Variants in APC2 observed in about 807,000 individuals in gnomAD.
The protein encoded by APC2 is APC regulator of Wnt signaling pathway 2.
A neutral mutation model predicts 72.5 loss-of-function variants in APC2; 41 were observed. The ratio of observed to expected loss-of-function variants is 0.57; its 90% CI spans 0.44 to 0.73. The LOEUF is 0.73. Among genes scored for constraint, APC2 ranks in the 30% least tolerant of loss-of-function variants. The pLI, the probability that APC2 is intolerant of heterozygous loss-of-function variation, is 0.00. For synonymous variants in APC2, 1,898 were observed against 1,612.0 expected (o/e 1.18, Z -4.25); for missense variants, 3,729 against 3,403.4 (o/e 1.10, Z -2.38).
chr19:1,454,617 G>A (rs1231313889), intron 4 of APC2, among the ~76,000 whole-genome samples: 1 of 146,246 alleles, frequency 6.8e-6, no homozygotes, highest in Non-Finnish European at 1.5e-5. Flanking sequence ...AAGCTGGAGT[G>A]CAGTGGCGCG....
rs759388006 is a variant in APC2, at chr19:1,460,228, C to T, written c.1351C>T (p.His451Tyr). 7 of 1,613,586 alleles carry T rather than the reference C, an allele frequency of 4.3e-6. No homozygotes were observed. In the South Asian group the frequency reaches 7.7e-5, roughly 18 times the overall value. The change falls in exon 11 of 15, where the codon CAC becomes TAC. Residue 451 changes from histidine (H) to tyrosine (Y), a missense_variant. Transcript: ENST00000590469. The part of the protein sequence containing the change: ...AELLQVDYEM[H>Y]KMTRDPLNLA... The stretch of plus-strand genomic sequence containing the variant: ...GCTGCTGCAGGTTGACTATGAGATG[C>T]ACAAGATGACCCGGGACCCGCTGAA...
intron 14 of APC2, 23 bp downstream of exon 14, chr19:1,462,200 G>A (rs764852880): frequency 2.1e-5 from 26 of 1,214,190 alleles, no homozygotes; most frequent in Middle Eastern, 3.2e-4. Flanking sequence ...CCCCCCACCC[G>A]CACACAGGCA....
chr19:1,459,201 C>T (rs977027057), intron 10 of APC2, among the ~76,000 whole-genome samples: 3 of 152,166 alleles, frequency 2.0e-5, no homozygotes, highest in Non-Finnish European at 4.4e-5. Flanking sequence ...CTGTTTGTTT[C>T]AGAGCCTCAT....
At chr19:1,460,384 T>C (rs2083903830) in intron 11 of APC2, 64 bp downstream of exon 11, 8 of 1,602,752 alleles carry the variant, frequency 5.0e-6, no homozygotes, top group African/African-American at 1.3e-5. Context: ...CTGAGCCTCC[T>C]TCCAACTCAT....
At chr19:1,459,587 ACTC>A (rs2083892100) in intron 10 of APC2, among the ~76,000 whole-genome samples, 1 of 152,044 alleles carries the variant, frequency 6.6e-6, no homozygotes, top group South Asian at 2.1e-4. Context: ...CCACTGACCC[ACTC>A]CTGCTCTGAG....
intron 14 of APC2, among the ~76,000 whole-genome samples, chr19:1,464,290 CAA>C (rs1348159992): frequency 1.3e-5 from 2 of 150,072 alleles, no homozygotes; most frequent in East Asian, 1.9e-4. Flanking sequence ...GCCTGGGTAA[CAA>C]GAGTGAAACT....
chr19:1,472,208 G>C lies in APC2; in HGVS notation c.*1995G>C, dbSNP rs1267659804. The C allele has an allele frequency of 2.0e-5, 3 of 152,322 alleles. No individual in the cohort carries two copies. Among genetic ancestry groups the C allele is most frequent in the Non-Finnish European group, 4.4e-5 (3 of 68,098 alleles). 9.4% of individuals were successfully genotyped at this position (152,322 alleles called of 1,614,324 possible). The stretch of plus-strand genomic sequence containing the variant: ...CCATGGCCCGAGGGGGAACCTGGTG[G>C]TCTCTTCTGAGCTTTTGGACTTGGG... On this transcript the variant is annotated 3_prime_UTR_variant, in exon 15 of 15. Coordinates refer to ENST00000590469, the MANE Select transcript of APC2 (RefSeq NM_005883.3).
In APC2 at chr19:1,468,205, C is replaced by G. The variant is rs1421737124; in HGVS notation, c.4904C>G (p.Ser1635Trp). The change falls in exon 15 of 15, where the codon TCG (serine) becomes TGG (tryptophan). Residue 1635 changes from serine to tryptophan, a missense_variant. Physicochemically the swap from Ser to Trp is radical, Grantham distance 177. Coordinates refer to ENST00000590469, the MANE Select transcript of APC2 (RefSeq NM_005883.3). ...AEELLQRCIS[S>W]ALPRRRPPVS... Reference sequence around the variant, plus strand: ...GAGCTTCTGCAGCGGTGCATCAGCTCGGCCCTGCCCAGGCGCCGGCCCCCC... The same window carrying G: ...GAGCTTCTGCAGCGGTGCATCAGCTGGGCCCTGCCCAGGCGCCGGCCCCCC... The G allele has an allele frequency of 2.7e-6, 4 of 1,464,538 alleles. No individual in the cohort carries two copies. Among genetic ancestry groups the G allele is most frequent in the Non-Finnish European group, 3.6e-6 (4 of 1,117,778 alleles). 90.7% of individuals were successfully genotyped at this position (1,464,538 alleles called of 1,614,324 possible). A position where few individuals can be genotyped will look rare whatever the true frequency, so the allele number is the denominator to read the frequency against.
Position 1,469,855 on chromosome 19 carries a change from A to G in APC2, c.6554A>G (p.Lys2185Arg). 6.6e-7 allele frequency: 1 copy of G among 1,520,526 alleles called. No individual in the cohort carries two copies. The highest frequency in any genetic ancestry group is 8.8e-7 in the Non-Finnish European group (1 of 1,141,172). The allele number at this position is 1,520,526 out of a possible 1,614,324, so 94.2% of individuals were successfully genotyped here. A position where few individuals can be genotyped will look rare whatever the true frequency, so the allele number is the denominator to read the frequency against. Residue 2185 changes from lysine (K) to arginine (R), a missense_variant, in exon 15 of 15, where the codon AAG (lysine) becomes AGG (arginine). Physicochemically the swap from Lys to Arg is conservative, Grantham distance 26 (BLOSUM62 2). Coordinates refer to ENST00000590469, the MANE Select transcript of APC2 (RefSeq NM_005883.3). ...EDAPAGPPPR[K>R]TSDAVVQTEE... ...GCCCCGGCCGGGCCCCCGCCGCGCA[A>G]GACCAGCGACGCCGTGGTCCAGACC...
chr19:1,450,269 C>T lies in APC2; in HGVS notation c.-88C>T, dbSNP rs1389618805. 2.0e-6 allele frequency: 2 copies of T among 985,306 alleles called. No homozygotes were observed. Among genetic ancestry groups the T allele is most frequent in the East Asian group, 1.1e-4 (1 of 8,816 alleles). 61.0% of individuals were successfully genotyped at this position (985,306 alleles called of 1,614,324 possible). On this transcript the variant is annotated 5_prime_UTR_variant, in exon 1 of 15. Coordinates refer to ENST00000590469, the MANE Select transcript of APC2 (RefSeq NM_005883.3). ...CCCCGGGCCGGGATTTCCGGTGGGG[C>T]CCGCGGAGCCGCGCAGAGGGAGGAG... is the stretch of plus-strand genomic sequence containing the variant.
At chr19:1,457,713 A>T (rs2083857509) in intron 9 of APC2, 8 of 565,326 alleles carry the variant, frequency 1.4e-5, no homozygotes, top group South Asian at 1.0e-4. Context: ...TTTTATTTTT[A>T]AAAAGGGCAG....
At chr19:1,456,013 A>AGGCGGGGTCAGAGCCGGG in intron 6 of APC2, 63 bp from the exon 7 acceptor site, 7 of 1,450,474 alleles carry the variant, frequency 4.8e-6, no homozygotes, top group Non-Finnish European at 6.4e-6. Flanking sequence ...TCCCAGGGAG[A>AGGCGGGGTCAGAGCCGGG]GGCGGGGTCA....
In APC2 at chr19:1,468,514, G is replaced by T; in HGVS notation, c.5213G>T (p.Gly1738Val). The T allele has an allele frequency of 1.2e-6, 2 of 1,603,482 alleles. No homozygotes were observed. Among genetic ancestry groups the T allele is most frequent in the African/African-American group, 1.3e-5 (1 of 74,886 alleles). Residue 1738 changes from glycine (G) to valine (V), a missense_variant, in exon 15 of 15, where the codon GGA (glycine) becomes GTA (valine). Coordinates refer to ENST00000590469, the MANE Select transcript of APC2 (RefSeq NM_005883.3). ...CTACAGCCCCCCAAGCACAGGAAGG[G>T]ACGACAGGCGGAGGGAGAAATGGGC... ...STLQPPKHRK[G>V]RQAEGEMGSA...
chr19:1,460,504 C>T (rs1265069381), intron 11 of APC2, among the ~76,000 whole-genome samples, 184 bp downstream of exon 11: 1 of 152,250 alleles, frequency 6.6e-6, no homozygotes, highest in African/African-American at 2.4e-5. Flanking sequence ...CGTGCTGAAC[C>T]TCCCCACCTG....
At chr19:1,461,709 G>A (rs1411854342) in intron 13 of APC2, 20 of 493,366 alleles carry the variant, frequency 4.1e-5, no homozygotes, top group South Asian at 6.2e-5. Context: ...AAAATTAGCC[G>A]GGCGTGGTGG....
chr19:1,466,257 G>C lies in APC2; in HGVS notation c.2956G>C (p.Ala986Pro), dbSNP rs765291333. 9.2e-6 allele frequency: 14 copies of C among 1,528,102 alleles called. No homozygotes were observed. The allele number at this position is 1,528,102 out of a possible 1,614,324, so 94.7% of individuals were successfully genotyped here. A position where few individuals can be genotyped will look rare whatever the true frequency, so the allele number is the denominator to read the frequency against. Reference sequence around the variant, plus strand: ...GCCCCCGGCCCGCGAGGCCACCTCCGCCGACGCCCGCGTGCGCACCATCAA... The same window carrying C: ...GCCCCCGGCCCGCGAGGCCACCTCCCCCGACGCCCGCGTGCGCACCATCAA... ...AEPPAREATS[A>P]DARVRTIKLS... is the part of the protein sequence containing the mutation. The change falls in exon 15 of 15, where the codon GCC (alanine) becomes CCC (proline). Residue 986 changes from alanine (A) to proline (P), a missense_variant. Physicochemically the swap from Ala to Pro is conservative, Grantham distance 27. Coordinates refer to ENST00000590469, the MANE Select transcript of APC2 (RefSeq NM_005883.3).
chr19:1,456,722 C>T (rs1000528721), intron 8 of APC2, 131 bp from the exon 9 acceptor site: 3 of 1,191,914 alleles, frequency 2.5e-6, no homozygotes, highest in Non-Finnish European at 3.4e-6. Flanking sequence ...TCCTAGCGTC[C>T]CCTCATCTGT....
chr19:1,447,098 C>G (rs2083694660), upstream of APC2, among the ~76,000 whole-genome samples: 1 of 152,176 alleles, frequency 6.6e-6, no homozygotes, highest in Non-Finnish European at 1.5e-5. Flanking sequence ...GGCGGTCAGG[C>G]TTCAGGGCGC....
chr19:1,457,076 C>T lies in APC2; in HGVS notation c.1040C>T (p.Ala347Val). ...APGAKDARMRANAALHNIVFS... is the reference protein window; with the variant it reads ...APGAKDARMRVNAALHNIVFS... Reference sequence around the variant, plus strand: ...GGCGCCAAGGACGCACGCATGCGCGCCAACGCGGCGCTGCACAACATCGTC... The same window carrying T: ...GGCGCCAAGGACGCACGCATGCGCGTCAACGCGGCGCTGCACAACATCGTC... The change falls in exon 9 of 15, where the codon GCC becomes GTC. Residue 347 changes from alanine (A) to valine (V), a missense_variant. Ala to Val is a moderately conservative substitution (Grantham distance 64, BLOSUM62 0). Coordinates refer to ENST00000590469, the MANE Select transcript of APC2 (RefSeq NM_005883.3). The T allele has an allele frequency of 1.3e-6, 2 of 1,556,198 alleles. No individual in the cohort carries two copies. The highest frequency in any genetic ancestry group is 1.7e-6 in the Non-Finnish European group (2 of 1,157,740).
Sources: allele counts gnomAD v4.1 joint callset (sites outside exome capture counted in the v4.1 genomes callset), GRCh38; gene constraint gnomAD v4.1.1; transcripts MANE v1.5; gene names NCBI Gene and HGNC (gene_info 2026-07-23, HGNC 2026-07-21).